Variants in ATAD2B observed in about 807,000 individuals in gnomAD.
ATAD2B encodes ATPase family AAA domain containing 2B.
In ATAD2B, 40 loss-of-function variants were observed where a neutral mutation model predicts 167.6. That is an observed-to-expected ratio of 0.24 (90% CI 0.19 to 0.31). ATAD2B has a LOEUF of 0.31. Among genes scored for constraint, ATAD2B ranks in the 10% least tolerant of loss-of-function variants. ATAD2B has a pLI of 1.00. For missense variants in ATAD2B, 1,242 were observed against 1,757.2 expected (o/e 0.71, Z 5.24); for synonymous variants, 579 against 596.5 (o/e 0.97, Z 0.43).
At chr2:23,783,105 A>C in intron 21 of ATAD2B, 77 bp from the exon 22 acceptor site, 1 of 735,830 alleles carries the variant, frequency 1.4e-6, no homozygotes, top group Non-Finnish European at 2.0e-6. Context: ...AAATAAAAAC[A>C]AAGTTCTTTA....
intron 1 of ATAD2B, among the ~76,000 whole-genome samples, chr2:23,897,342 A>T (rs1357222928): frequency 6.6e-6 from 1 of 152,126 alleles, no homozygotes; most frequent in Non-Finnish European, 1.5e-5. Flanking sequence ...TAAAGTAACT[A>T]TGTTTTCCTT....
intron 17 of ATAD2B, among the ~76,000 whole-genome samples, chr2:23,815,036 A>G (rs1431882926): frequency 1.3e-5 from 2 of 151,844 alleles, no homozygotes; most frequent in African/African-American, 4.8e-5. Flanking sequence ...AGCCTGGGCA[A>G]AAAGAATGAA....
chr2:23,839,170 T>C (rs1169557656), intron 13 of ATAD2B, among the ~76,000 whole-genome samples: 1 of 152,162 alleles, frequency 6.6e-6, no homozygotes, highest in Non-Finnish European at 1.5e-5. Context: ...CCTACATACA[T>C]AATTGCATCA....
chr2:23,742,375 T>A, the ATAD2B span, among the ~76,000 whole-genome samples: 4 of 151,558 alleles, frequency 2.6e-5, no homozygotes, highest in Admixed American at 2.6e-4. Flanking sequence ...TATGCAGCCA[T>A]AAAAAATGAT....
At chr2:23,870,933 A>G (rs1447634374) in intron 8 of ATAD2B, among the ~76,000 whole-genome samples, 1 of 152,184 alleles carries the variant, frequency 6.6e-6, no homozygotes, top group East Asian at 1.9e-4. Flanking sequence ...TGAATGCCAG[A>G]TTATTAGTAT....
chr2:23,843,581 G>C (rs1219726598), intron 13 of ATAD2B, among the ~76,000 whole-genome samples: 1 of 152,192 alleles, frequency 6.6e-6, no homozygotes, highest in African/African-American at 2.4e-5. Context: ...GAGATTCCAG[G>C]GAGACCAAGA....
At chr2:23,918,069 G>A (rs1019608530) in intron 1 of ATAD2B, among the ~76,000 whole-genome samples, 5 of 151,656 alleles carry the variant, frequency 3.3e-5, no homozygotes, top group Non-Finnish European at 7.4e-5. Context: ...AAAAAGAAAA[G>A]AAAGAGAAAA....
intron 22 of ATAD2B, among the ~76,000 whole-genome samples, chr2:23,776,587 A>G (rs931569223): frequency 2.0e-5 from 3 of 152,096 alleles, no homozygotes; most frequent in Non-Finnish European, 4.4e-5. Flanking sequence ...TATTCTCCAG[A>G]CTTGTTTTTT....
chr2:23,795,824 A>G (rs1168406991), intron 19 of ATAD2B, among the ~76,000 whole-genome samples: 2 of 151,902 alleles, frequency 1.3e-5, no homozygotes, highest in Admixed American at 1.3e-4. Flanking sequence ...GGTTGCAGTG[A>G]GCCAAGATCA....
intron 16 of ATAD2B, 90 bp from the exon 17 acceptor site, chr2:23,819,972 T>C (rs193002099): frequency 4.4e-5 from 37 of 844,480 alleles, no homozygotes; most frequent in Non-Finnish European, 6.4e-5. Flanking sequence ...GGTTAAAAAA[T>C]CAAATGACAT....
intron 6 of ATAD2B, chr2:23,883,736 CAT>C (rs1308128544): frequency 1.8e-5 from 9 of 511,934 alleles, no homozygotes; most frequent in Admixed American, 1.2e-4. Context: ...TTTTAAAAAA[CAT>C]AGTCTTCTCA....
At chr2:23,730,475 G>A in the ATAD2B span, among the ~76,000 whole-genome samples, 1 of 151,586 alleles carries the variant, frequency 6.6e-6, no homozygotes, top group African/African-American at 2.4e-5. Flanking sequence ...GACCATCCTG[G>A]CTAACATGGT....
At chr2:23,888,271 T>A (rs1020004218) in intron 3 of ATAD2B, 79 bp downstream of exon 3, 156 of 995,332 alleles carry the variant, frequency 1.6e-4, no homozygotes, top group Non-Finnish European at 1.8e-4. Flanking sequence ...ATTAAATCAC[T>A]CTATTTTTCC....
intron 19 of ATAD2B, among the ~76,000 whole-genome samples, chr2:23,790,614 A>C (rs1681535051): frequency 1.3e-5 from 2 of 152,168 alleles, no homozygotes; most frequent in Non-Finnish European, 2.9e-5. Context: ...TTCACTCCTA[A>C]CTTTATCTTC....
intron 27 of ATAD2B, 39 bp downstream of exon 27, chr2:23,754,140 C>A (rs770185072): frequency 6.3e-6 from 9 of 1,430,050 alleles, no homozygotes; most frequent in South Asian, 4.4e-5. Context: ...CAAGTAAAAT[C>A]AAGTATTTGT....
At chr2:23,920,132 C>CAG (rs1328016822) in intron 1 of ATAD2B, among the ~76,000 whole-genome samples, 1 of 142,980 alleles carries the variant, frequency 7.0e-6, no homozygotes, top group African/African-American at 2.6e-5. Flanking sequence ...GCCTGGGCAA[C>CAG]AGAGAGAGAC....
chr2:23,874,519 G>A (rs7566727), intron 8 of ATAD2B, among the ~76,000 whole-genome samples: 68,351 of 151,564 alleles, frequency 0.45, 16,288 homozygotes, highest in East Asian at 0.78. Context: ...TCTGGGCAAC[G>A]TGGCAAAACC....
chr2:23,745,212 G>T (rs1558475834), downstream of ATAD2B, among the ~76,000 whole-genome samples: 3 of 152,034 alleles, frequency 2.0e-5, no homozygotes, highest in South Asian at 4.1e-4. Flanking sequence ...GCTGGAACCT[G>T]AGAGGCAGAG....
At chr2:23,909,592 T>C (rs1480500546) in intron 1 of ATAD2B, among the ~76,000 whole-genome samples, 4 of 151,950 alleles carry the variant, frequency 2.6e-5, no homozygotes, top group South Asian at 4.1e-4. Context: ...TATAAACCCA[T>C]AGTACATGTG....
Sources: allele counts gnomAD v4.1 joint callset (sites outside exome capture counted in the v4.1 genomes callset), GRCh38; gene constraint gnomAD v4.1.1; transcripts MANE v1.5; gene names NCBI Gene and HGNC (gene_info 2026-07-23, HGNC 2026-07-21).